Variants in NTM observed in about 807,000 individuals in gnomAD.
The protein encoded by NTM is IgLON family member 2.
Under a neutral mutation model 42.1 loss-of-function variants are expected in NTM, and 13 were observed. The observed-to-expected ratio is 0.31, with a 90% CI of 0.20 to 0.49. The LOEUF is 0.49. Among genes scored for constraint, NTM ranks in the 20% least tolerant of loss-of-function variants. The probability of loss-of-function intolerance (pLI) is 0.99; values close to 1 mark genes in which losing one functional copy is unlikely to be tolerated. For missense variants in NTM, 373 were observed against 452.8 expected, an observed-to-expected ratio of 0.82 and a Z score of 1.60; for synonymous variants, 187 against 179.2, an observed-to-expected ratio of 1.04 and a Z score of -0.35.
At position 132,310,218 on chromosome 11, in the gene NTM, C is replaced by G; in HGVS notation, c.768C>G (p.Tyr256Ter). The stretch of plus-strand genomic sequence containing the variant: ...TCCCCTCAGCAGAATTCCAGTGGTA[C>G]AAGGATGACAAAAGGTAAAGCTTCC... Reference protein sequence around the residue: ...SAVPSAEFQWYKDDKRLIEGK... With the variant: ...SAVPSAEFQW Residue 256 changes from tyrosine (Y) to a stop codon, truncating the protein, a stop_gained, in exon 6 of 9, where the codon TAC becomes TAG. Transcript: ENST00000683400. LOFTEE classifies it high-confidence loss of function. 1 of 1,602,552 alleles carries G rather than the reference C, an allele frequency of 6.2e-7. No homozygotes were observed. Among genetic ancestry groups the G allele is most frequent in the Non-Finnish European group, 8.5e-7 (1 of 1,176,142 alleles).
chr11:132,127,252 G>A (rs990315793), intron 2 of NTM, among the ~76,000 whole-genome samples: 1 of 152,204 alleles, frequency 6.6e-6, no homozygotes, highest in African/African-American at 2.4e-5. Context: ...AAAGCAACCC[G>A]AACCCAAAAT....
intron 1 of NTM, among the ~76,000 whole-genome samples, chr11:131,588,393 A>G (rs2059068710): frequency 6.6e-6 from 1 of 152,238 alleles, no homozygotes; most frequent in South Asian, 2.1e-4. Flanking sequence ...ATGGCCTGAA[A>G]CAAAAATCCT....
chr11:131,433,475 T>C (rs1278347079), intron 1 of NTM, among the ~76,000 whole-genome samples: 3 of 152,182 alleles, frequency 2.0e-5, no homozygotes, highest in Admixed American at 6.5e-5. Flanking sequence ...GACTTTTTAT[T>C]TATTTATTAT....
chr11:131,666,864 A>G (rs1592444538), intron 1 of NTM, among the ~76,000 whole-genome samples: 2 of 152,174 alleles, frequency 1.3e-5, no homozygotes, highest in African/African-American at 4.8e-5. Flanking sequence ...GCTGGGATCA[A>G]CATTTCTGGA....
intron 1 of NTM, among the ~76,000 whole-genome samples, chr11:131,877,163 G>A (rs1331135780): frequency 6.6e-6 from 1 of 152,142 alleles, no homozygotes. Context: ...CAGGCCCCAA[G>A]GCATACTTTT....
At chr11:131,742,813 G>C (rs979619114) in intron 1 of NTM, among the ~76,000 whole-genome samples, 2 of 152,156 alleles carry the variant, frequency 1.3e-5, no homozygotes, top group African/African-American at 4.8e-5. Flanking sequence ...TGAAGGGCAA[G>C]AATATAGAAA....
rs1003605872 is a variant in NTM at position 131,501,713 on chromosome 11, G to T, written c.82+130825G>T. 1.3e-4 allele frequency among the ~76,000 whole-genome samples: 19 copies of T among 151,774 alleles called. 1 individual carries two copies. Among genetic ancestry groups the T allele is most frequent in the South Asian group, 8.3e-4 (4 of 4,822 alleles). ...GGTAGATCTTGAGTGTGCTGTAAAG[G>T]TCCAGTTACAACAGCATTTGTTGCA... On this transcript the variant is annotated intron_variant, in intron 1 of 8. Coordinates refer to ENST00000683400, the MANE Select transcript of NTM (RefSeq NM_001352005.2).
chr11:132,163,920 G>A lies in NTM; in HGVS notation c.400+17406G>A, dbSNP rs534107509. Among the ~76,000 whole-genome samples, 24 of 152,050 alleles carry A rather than the reference G, an allele frequency of 1.6e-4. No individual in the cohort carries two copies. The South Asian group carries it at 4.8e-3, about 30-fold the overall frequency. On this transcript the variant is annotated intron_variant, in intron 3 of 8. Transcript: ENST00000683400. ...TTTTTTTTTATTTTTACTCCTGGAT[G>A]TTTCTGTTGTTTACCCATGTTGAGA...
rs1484031359 is a variant in NTM, at chr11:131,660,943, A to T, written c.83-250621A>T. ...TCTTTTTATAGGTAAGTGACATTTCATTCTGCTCATCCCCAAGGCAAAGTT... is the reference window on the plus strand; with the variant it reads ...TCTTTTTATAGGTAAGTGACATTTCTTTCTGCTCATCCCCAAGGCAAAGTT... On this transcript the variant is annotated intron_variant, in intron 1 of 8. Transcript: ENST00000683400. 6 of 1,303,656 alleles carry T rather than the reference A, an allele frequency of 4.6e-6. No homozygotes were observed. In the Admixed American group the frequency reaches 1.4e-4, roughly 30 times the overall value. The allele number at this position is 1,303,656 out of a possible 1,614,324, so 80.8% of individuals were successfully genotyped here. A position where few individuals can be genotyped will look rare whatever the true frequency, so the allele number is the denominator to read the frequency against.
intron 1 of NTM, among the ~76,000 whole-genome samples, chr11:131,852,859 T>TATCC (rs1477612876): frequency 5.0e-5 from 7 of 139,440 alleles, no homozygotes; most frequent in Non-Finnish European, 9.3e-5. Flanking sequence ...CCCATCCATC[T>TATCC]ATCCATCCAT....
At chr11:131,597,962 C>A (rs2512884) in intron 1 of NTM, among the ~76,000 whole-genome samples, 64,711 of 152,092 alleles carry the variant, frequency 0.43, 16,004 homozygotes, top group East Asian at 0.61. Flanking sequence ...AAACTGGAAA[C>A]GTGGCCAGTC....
At chr11:131,384,194 A>T (rs1257720835) in intron 1 of NTM, among the ~76,000 whole-genome samples, 2 of 150,836 alleles carry the variant, frequency 1.3e-5, no homozygotes, top group African/African-American at 5.0e-5. Context: ...CACAGATACA[A>T]CTAATTACCC....
At chr11:131,379,139 C>A (rs1338480919) in intron 1 of NTM, among the ~76,000 whole-genome samples, 1 of 152,176 alleles carries the variant, frequency 6.6e-6, no homozygotes, top group Non-Finnish European at 1.5e-5. Flanking sequence ...CCAGACAACC[C>A]CTGATTCACA....
chr11:131,794,873 G>A, intron 1 of NTM: 1 of 985,374 alleles, frequency 1.0e-6, no homozygotes, highest in Non-Finnish European at 1.2e-6. Context: ...CCTCCACAGA[G>A]AATATATGAT....
intron 1 of NTM, among the ~76,000 whole-genome samples, chr11:131,670,479 G>C (rs534582149): frequency 6.6e-6 from 1 of 152,040 alleles, no homozygotes; most frequent in African/African-American, 2.4e-5. Context: ...GTGGCTGTCT[G>C]TTTCGTTCCC....
chr11:132,240,200 C>T (rs1184915968), intron 4 of NTM, among the ~76,000 whole-genome samples: 1 of 152,224 alleles, frequency 6.6e-6, no homozygotes, highest in Non-Finnish European at 1.5e-5. Context: ...TTGGGGATTT[C>T]ATAATTTATC....
intron 1 of NTM, among the ~76,000 whole-genome samples, chr11:131,460,209 T>C (rs1951252106): frequency 1.3e-5 from 2 of 152,156 alleles, no homozygotes; most frequent in South Asian, 2.1e-4. Flanking sequence ...AGGTCATGTC[T>C]TCTGATGAGG....
At chr11:131,852,976 A>G (rs1315259536) in intron 1 of NTM, among the ~76,000 whole-genome samples, 2 of 149,934 alleles carry the variant, frequency 1.3e-5, no homozygotes, top group Non-Finnish European at 3.0e-5. Flanking sequence ...CCACCCATTT[A>G]TTCACCCACG....
intron 1 of NTM, among the ~76,000 whole-genome samples, chr11:131,558,052 C>T (rs1431806225): frequency 1.3e-5 from 2 of 152,328 alleles, no homozygotes; most frequent in Middle Eastern, 6.8e-3. Context: ...CAGGAAGCGC[C>T]TTAATGAACT....
Sources: allele counts gnomAD v4.1 joint callset (sites outside exome capture counted in the v4.1 genomes callset), GRCh38; gene constraint gnomAD v4.1.1; transcripts MANE v1.5; gene names NCBI Gene and HGNC (gene_info 2026-07-23, HGNC 2026-07-21).